The following RNF157 variants were observed in gnomAD, a reference collection of about 807,000 sequenced individuals.
RNF157 encodes the protein ring finger protein 157.
In RNF157, 55 loss-of-function variants were observed where a neutral mutation model predicts 88.3. The ratio of observed to expected loss-of-function variants is 0.62; its 90% CI spans 0.50 to 0.78. The LOEUF (loss-of-function observed/expected upper bound fraction) is 0.78, where lower values mean the gene tolerates loss of function less well. Ranked by LOEUF, RNF157 falls within the 30% of genes least tolerant of loss-of-function variation. The probability of loss-of-function intolerance (pLI) is 0.00; values close to 1 mark genes in which losing one functional copy is unlikely to be tolerated. For synonymous variants in RNF157, 334 were observed against 341.2 expected (o/e 0.98, Z 0.23); for missense variants, 788 against 860.8 (o/e 0.92, Z 1.06).
chr17:76,228,918 C>T (rs925484154), intron 1 of RNF157, among the ~76,000 whole-genome samples: 8 of 151,720 alleles, frequency 5.3e-5, no homozygotes, highest in Non-Finnish European at 2.9e-5. Flanking sequence ...AGTGAGACTC[C>T]ATTTCAAAAT....
At chr17:76,227,300 T>C (rs2070109568) in intron 1 of RNF157, among the ~76,000 whole-genome samples, 1 of 151,508 alleles carries the variant, frequency 6.6e-6, no homozygotes, top group African/African-American at 2.4e-5. Context: ...TTTGTATTTT[T>C]AGTAGAGACA....
rs529789703 is a variant in RNF157, at chr17:76,229,667, G to A, written c.88+10486C>T. Among the ~76,000 whole-genome samples, 9 of 152,326 alleles carry A rather than the reference G, an allele frequency of 5.9e-5. No individual in the cohort carries two copies. The South Asian group carries it at 1.7e-3, about 28-fold the overall frequency. On this transcript the variant is annotated intron_variant, in intron 1 of 18. Transcript: ENST00000269391. ...AGGAATCAAGGGCACTTTATCTGAA[G>A]AGCTGGCACCAGAACTCCTCTTAGG... is the stretch of plus-strand genomic sequence containing the variant.
chr17:76,162,211 A>G (rs2068856201), intron 9 of RNF157: 1 of 608,398 alleles, frequency 1.6e-6, no homozygotes, highest in Non-Finnish European at 2.9e-6. Flanking sequence ...AGAGGACGAG[A>G]CTAACCACTC....
chr17:76,169,883 G>C (rs368056088), intron 3 of RNF157, among the ~76,000 whole-genome samples: 1 of 152,234 alleles, frequency 6.6e-6, no homozygotes. Context: ...ACCTGGCCTA[G>C]TTAGGTTGTT....
chr17:76,175,030 C>T (rs1409607612), intron 2 of RNF157, among the ~76,000 whole-genome samples: 1 of 152,192 alleles, frequency 6.6e-6, no homozygotes, highest in Non-Finnish European at 1.5e-5. Context: ...AATTTTACTA[C>T]TCGGCAATAC....
In RNF157 at chr17:76,179,725, A is replaced by C. The variant is rs144570726; in HGVS notation, c.208-5935T>G. Among the ~76,000 whole-genome samples the C allele has an allele frequency of 7.0e-3, 1,068 of 152,246 alleles. 5 individuals carry two copies. Among genetic ancestry groups the C allele is most frequent in the Non-Finnish European group, 0.011 (725 of 67,996 alleles). On this transcript the variant is annotated intron_variant, in intron 2 of 18. Transcript: ENST00000269391. ...AAAATAAGTATCTTATTTCAACCTA[A>C]AACCAGAGATCTCACTCATATGCTA... is the stretch of plus-strand genomic sequence containing the variant.
chr17:76,155,409 G>T, intron 15 of RNF157, 92 bp from the exon 16 acceptor site: 1 of 1,474,188 alleles, frequency 6.8e-7, no homozygotes, highest in Non-Finnish European at 9.5e-7. Flanking sequence ...GTGTCAAATA[G>T]GAGGGTCAGA....
At chr17:76,168,625 C>T (rs1375070246) in intron 3 of RNF157, among the ~76,000 whole-genome samples, 1 of 151,998 alleles carries the variant, frequency 6.6e-6, no homozygotes, top group African/African-American at 2.4e-5. Context: ...CAGTCGCCAC[C>T]CTGGAATCTC....
At chr17:76,236,858 A>T (rs1457815556) in intron 1 of RNF157, among the ~76,000 whole-genome samples, 1 of 152,244 alleles carries the variant, frequency 6.6e-6, no homozygotes, top group Non-Finnish European at 1.5e-5. Flanking sequence ...TCTGAAAGCA[A>T]ACAGAGCAAG....
chr17:76,147,002 G>C, intron 18 of RNF157: 2 of 985,378 alleles, frequency 2.0e-6, no homozygotes, highest in Non-Finnish European at 2.4e-6. Flanking sequence ...AACAGTCTCT[G>C]GTGCTTGACC....
intron 16 of RNF157, chr17:76,154,673 G>C: frequency 3.8e-6 from 1 of 260,876 alleles, no homozygotes; most frequent in Non-Finnish European, 7.3e-6. Flanking sequence ...AAGACTTTCA[G>C]AAATCCCTTA....
chr17:76,197,264 G>A (rs1413819710), intron 2 of RNF157, among the ~76,000 whole-genome samples: 1 of 152,232 alleles, frequency 6.6e-6, no homozygotes, highest in Non-Finnish European at 1.5e-5. Context: ...GGAGGTACAG[G>A]AGAAACAGTT....
intron 2 of RNF157, among the ~76,000 whole-genome samples, chr17:76,203,699 G>C (rs562185439): frequency 4.7e-5 from 7 of 150,092 alleles, no homozygotes; most frequent in South Asian, 2.1e-4. Context: ...TGACCTCCCC[G>C]CCTCAGCCTC....
rs1180110430 is a variant in RNF157, at chr17:76,143,302, G to A, written c.*1933C>T. ...GGGGGTCCTGGCCACTGTGGCTACT[G>A]TTTACCTGAATCTCCTTCATCTCAG... On this transcript the variant is annotated 3_prime_UTR_variant, in exon 19 of 19. Coordinates refer to ENST00000269391, the MANE Select transcript of RNF157 (RefSeq NM_052916.3). 1 of 152,236 alleles carries A rather than the reference G, an allele frequency of 6.6e-6. No individual in the cohort carries two copies. The highest frequency in any genetic ancestry group is 6.5e-5 in the Admixed American group (1 of 15,270). 9.4% of individuals were successfully genotyped at this position (152,236 alleles called of 1,614,324 possible).
chr17:76,174,314 T>C (rs532019232), intron 2 of RNF157, among the ~76,000 whole-genome samples: 1 of 152,326 alleles, frequency 6.6e-6, no homozygotes, highest in South Asian at 2.1e-4. Flanking sequence ...CAGCTGATCA[T>C]ATAAAGCAGA....
chr17:76,174,204 C>G (rs2069067438), intron 2 of RNF157, among the ~76,000 whole-genome samples: 1 of 152,166 alleles, frequency 6.6e-6, no homozygotes, highest in Middle Eastern at 3.2e-3. Context: ...TTCGGTGAGG[C>G]CATGCGGTAT....
At chr17:76,221,133 G>A (rs912259508) in intron 1 of RNF157, among the ~76,000 whole-genome samples, 1 of 151,862 alleles carries the variant, frequency 6.6e-6, no homozygotes, top group African/African-American at 2.4e-5. Flanking sequence ...AAAAGAAAAG[G>A]TAGATGAGGG....
At chr17:76,169,081 A>G (rs958672069) in intron 3 of RNF157, among the ~76,000 whole-genome samples, 16 of 152,134 alleles carry the variant, frequency 1.1e-4, no homozygotes, top group Non-Finnish European at 2.1e-4. Context: ...CTTAAATTCT[A>G]TGTCACTGAT....
At chr17:76,188,574 G>A (rs1477032501) in intron 2 of RNF157, among the ~76,000 whole-genome samples, 1 of 152,134 alleles carries the variant, frequency 6.6e-6, no homozygotes, top group Non-Finnish European at 1.5e-5. Flanking sequence ...AGCAAAGATG[G>A]TGCAATAGAT....
Sources: gnomAD v4.1 joint callset for allele counts (sites outside exome capture counted in the v4.1 genomes callset) on GRCh38, gnomAD v4.1.1 for gene constraint, MANE v1.5 for transcripts, NCBI Gene and HGNC (gene_info 2026-07-23, HGNC 2026-07-21) for gene names.